The following KIDINS220 variants were observed in gnomAD, a reference collection of about 807,000 sequenced individuals.
KIDINS220 encodes kinase D interacting substrate 220.
Under a neutral mutation model 157.6 loss-of-function variants are expected in KIDINS220, and 63 were observed. The observed-to-expected ratio is 0.40, with a 90% CI of 0.33 to 0.49. The LOEUF is 0.49. Among genes scored for constraint, KIDINS220 ranks in the 20% least tolerant of loss-of-function variants. KIDINS220 has a pLI of 0.66. For missense variants in KIDINS220, 1,772 were observed against 2,171.2 expected (o/e 0.82, Z 3.65); for synonymous variants, 732 against 783.6 (o/e 0.93, Z 1.10).
At chr2:8,810,560 T>C (rs1480500628) in intron 6 of KIDINS220, among the ~76,000 whole-genome samples, 1 of 152,064 alleles carries the variant, frequency 6.6e-6, no homozygotes, top group Non-Finnish European at 1.5e-5. Context: ...CCAAGGCGGG[T>C]GGATCACCTG....
intron 22 of KIDINS220, 41 bp downstream of exon 22, chr2:8,770,629 A>G (rs758218495): frequency 7.9e-7 from 1 of 1,261,836 alleles, no homozygotes; most frequent in Admixed American, 2.3e-5. Flanking sequence ...TTTTAACTCA[A>G]CCTAAAATAA....
At chr2:8,763,595 T>C (rs1363933153) in intron 22 of KIDINS220, among the ~76,000 whole-genome samples, 1 of 152,244 alleles carries the variant, frequency 6.6e-6, no homozygotes, top group Non-Finnish European at 1.5e-5. Flanking sequence ...GTGCCCTGCA[T>C]ATAATAAATT....
chr2:8,786,860 T>C (rs1363398002), intron 15 of KIDINS220, among the ~76,000 whole-genome samples: 1 of 152,240 alleles, frequency 6.6e-6, no homozygotes, highest in Non-Finnish European at 1.5e-5. Context: ...ATTTTATTTA[T>C]AGCTTCCACG....
At chr2:8,820,536 A>C (rs552657235) in intron 2 of KIDINS220, among the ~76,000 whole-genome samples, 1 of 152,358 alleles carries the variant, frequency 6.6e-6, no homozygotes, top group African/African-American at 2.4e-5. Context: ...TTTAAACACG[A>C]ACGCTGGTTT....
At chr2:8,751,269 T>G (rs547121326) in intron 23 of KIDINS220, among the ~76,000 whole-genome samples, 197 bp downstream of exon 23, 60 of 151,996 alleles carry the variant, frequency 3.9e-4, no homozygotes, top group African/African-American at 1.2e-3. Context: ...TTTTTTTTTT[T>G]TTGTTTTTGT....
intron 2 of KIDINS220, among the ~76,000 whole-genome samples, chr2:8,821,228 CT>C (rs1163696352): frequency 1.3e-5 from 2 of 151,620 alleles, no homozygotes; most frequent in East Asian, 3.9e-4. Flanking sequence ...ATTTGATAGC[CT>C]AGAAACATGC....
At chr2:8,752,427 G>A (rs1247017010) in intron 22 of KIDINS220, among the ~76,000 whole-genome samples, 1 of 152,150 alleles carries the variant, frequency 6.6e-6, no homozygotes, top group African/African-American at 2.4e-5. Context: ...GCCATGGCAG[G>A]ACTTGGGTGG....
intron 22 of KIDINS220, among the ~76,000 whole-genome samples, chr2:8,755,960 G>A (rs1667960973): frequency 6.6e-6 from 1 of 152,106 alleles, no homozygotes; most frequent in Admixed American, 6.5e-5. Context: ...GGTTATTTGA[G>A]GTGTCTTGCA....
chr2:8,785,924 A>C lies in KIDINS220; in HGVS notation c.2046T>G (p.Val682=). 1 of 1,614,198 alleles carries C rather than the reference A, an allele frequency of 6.2e-7. No homozygotes were observed. Among genetic ancestry groups the C allele is most frequent in the South Asian group, 1.1e-5 (1 of 91,084 alleles). ...SGITLLAIFR[V]DPKHLTVNAV... ...CATTTACAGTCAGATGCTTTGGGTCAACTCTAAATATAGCCAGAAGAGTAA... is the reference window on the plus strand; with the variant it reads ...CATTTACAGTCAGATGCTTTGGGTCCACTCTAAATATAGCCAGAAGAGTAA... Residue 682 remains valine, a synonymous_variant, in exon 17 of 30, where the codon GTT becomes GTG. Coordinates refer to ENST00000256707, the MANE Select transcript of KIDINS220 (RefSeq NM_020738.4).
At chr2:8,772,336 C>T (rs1450271534) in intron 21 of KIDINS220, among the ~76,000 whole-genome samples, 1 of 151,882 alleles carries the variant, frequency 6.6e-6, no homozygotes, top group African/African-American at 2.4e-5. Context: ...ATTAGCCGAG[C>T]GTGGTGGCAG....
At chr2:8,808,023 C>A (rs1374874817) in intron 6 of KIDINS220, among the ~76,000 whole-genome samples, 2 of 151,990 alleles carry the variant, frequency 1.3e-5, no homozygotes, top group African/African-American at 4.8e-5. Context: ...ACCGGGGAGG[C>A]TGATGCAGGA....
At chr2:8,795,078 A>G (rs16866799) in intron 11 of KIDINS220, among the ~76,000 whole-genome samples, 2,563 of 152,330 alleles carry the variant, frequency 0.017, 35 homozygotes, top group East Asian at 0.054. Context: ...GACACACAGC[A>G]TAAGAGTCCA....
chr2:8,786,869 C>T (rs978751541), intron 15 of KIDINS220, among the ~76,000 whole-genome samples: 7 of 152,214 alleles, frequency 4.6e-5, no homozygotes, highest in African/African-American at 9.6e-5. Flanking sequence ...ATAGCTTCCA[C>T]GTCTACCAGG....
intron 6 of KIDINS220, among the ~76,000 whole-genome samples, chr2:8,806,751 T>C (rs1475827070): frequency 6.6e-6 from 1 of 152,122 alleles, no homozygotes; most frequent in Non-Finnish European, 1.5e-5. Context: ...GGCTCATTTT[T>C]TCGTATTTTC....
intron 22 of KIDINS220, among the ~76,000 whole-genome samples, chr2:8,759,953 A>G (rs763316341): frequency 6.6e-6 from 1 of 152,198 alleles, no homozygotes; most frequent in Non-Finnish European, 1.5e-5. Context: ...AGAGGTAAGC[A>G]ATGGATGCAA....
At chr2:8,722,583 A>G (rs1036292163), downstream of KIDINS220, 2 of 152,236 alleles carry the variant, frequency 1.3e-5, no homozygotes, top group Non-Finnish European at 2.9e-5. Context: ...AGGAGAACCT[A>G]AAAAACAGAT....
chr2:8,760,859 G>C (rs571584272), intron 22 of KIDINS220, among the ~76,000 whole-genome samples: 11 of 152,220 alleles, frequency 7.2e-5, no homozygotes, highest in African/African-American at 2.6e-4. Context: ...CTAAAAAATA[G>C]TGTATTACTG....
intron 22 of KIDINS220, among the ~76,000 whole-genome samples, chr2:8,764,869 A>C (rs1298789198): frequency 6.6e-6 from 1 of 152,228 alleles, no homozygotes; most frequent in Non-Finnish European, 1.5e-5. Context: ...GCAATGTTTA[A>C]GAAAGTTACA....
At chr2:8,778,614 C>A (rs753451809) in intron 20 of KIDINS220, 25 bp downstream of exon 20, 9 of 1,459,980 alleles carry the variant, frequency 6.2e-6, no homozygotes, top group Non-Finnish European at 8.7e-6. Context: ...TACAAACATA[C>A]AGCTCGAAGC....
Sources: gnomAD v4.1 joint callset for allele counts (sites outside exome capture counted in the v4.1 genomes callset) on GRCh38, gnomAD v4.1.1 for gene constraint, MANE v1.5 for transcripts, NCBI Gene and HGNC (gene_info 2026-07-23, HGNC 2026-07-21) for gene names.